AKAP7: variants seen among roughly 807,000 people sequenced by gnomAD.
AKAP7 encodes A kinase (PRKA) anchor protein 7.
AKAP7 carries 39 observed loss-of-function variants against 39.5 expected under a neutral mutation model. That is an observed-to-expected ratio of 0.99 (90% CI 0.76 to 1.29). The LOEUF (loss-of-function observed/expected upper bound fraction) is 1.29, where lower values mean the gene tolerates loss of function less well. Among genes scored for constraint, AKAP7 ranks in the 50% most tolerant of loss-of-function variants. AKAP7 has a pLI of 0.00. For synonymous variants in AKAP7, 140 were observed against 139.1 expected (o/e 1.01, Z -0.05); for missense variants, 414 against 407.7 (o/e 1.02, Z -0.13).
At chr6:131,269,619 C>T (rs374297247) in intron 7 of AKAP7, among the ~76,000 whole-genome samples, 8 of 152,142 alleles carry the variant, frequency 5.3e-5, no homozygotes, top group Non-Finnish European at 7.3e-5. Flanking sequence ...CACAGTGCCC[C>T]TCTGAAGGAG....
chr6:131,197,544 C>T (rs969615862), intron 5 of AKAP7, among the ~76,000 whole-genome samples: 1 of 152,120 alleles, frequency 6.6e-6, no homozygotes, highest in African/African-American at 2.4e-5. Flanking sequence ...TACTGATATT[C>T]TATTCTCTGT....
chr6:131,131,467 C>CTTTTTT (rs3031855), upstream of AKAP7, among the ~76,000 whole-genome samples: 1 of 138,328 alleles, frequency 7.2e-6, no homozygotes, highest in Non-Finnish European at 1.6e-5. Flanking sequence ...CTCTTTCTTT[C>CTTTTTT]TTTTTTTTTT....
At chr6:131,265,853 T>C (rs1176040908) in intron 7 of AKAP7, among the ~76,000 whole-genome samples, 2 of 152,324 alleles carry the variant, frequency 1.3e-5, no homozygotes, top group East Asian at 1.9e-4. Context: ...TTGACTTCAA[T>C]GTGTGGGGGG....
rs887823197 is a variant in AKAP7 at position 131,135,693 on chromosome 6, C to G, written c.-71C>G. The G allele has an allele frequency of 1.7e-6, 2 of 1,151,604 alleles. No individual in the cohort carries two copies. The highest frequency in any genetic ancestry group is 1.6e-5 in the African/African-American group (1 of 61,118). The allele number at this position is 1,151,604 out of a possible 1,614,324, so 71.3% of individuals were successfully genotyped here. On this transcript the variant is annotated 5_prime_UTR_variant, in exon 1 of 8. Coordinates refer to ENST00000431975, the MANE Select transcript of AKAP7 (RefSeq NM_016377.4). ...CCTGGCCTCCGCCTCGGCCTCGCCT[C>G]CAGCCCCGGGACGCGGCCCGCCACC...
intron 5 of AKAP7, among the ~76,000 whole-genome samples, chr6:131,188,816 G>GTAC (rs950031984): frequency 6.6e-6 from 1 of 151,628 alleles, no homozygotes; most frequent in African/African-American, 2.4e-5. Flanking sequence ...GCCTCCCAGA[G>GTAC]TACTGGGATT....
chr6:131,202,927 C>T (rs139200908), intron 6 of AKAP7, among the ~76,000 whole-genome samples: 31 of 152,070 alleles, frequency 2.0e-4, no homozygotes, highest in Non-Finnish European at 2.9e-4. Flanking sequence ...TATGGGGATT[C>T]GCAAGTCAGC....
chr6:131,270,701 G>A (rs887862809), intron 7 of AKAP7, among the ~76,000 whole-genome samples: 3 of 152,156 alleles, frequency 2.0e-5, no homozygotes, highest in Non-Finnish European at 2.9e-5. Context: ...AGCAATAGGA[G>A]TTCCAGTTGC....
At chr6:131,162,785 T>G (rs886467606) in intron 3 of AKAP7, among the ~76,000 whole-genome samples, 2 of 152,280 alleles carry the variant, frequency 1.3e-5, no homozygotes, top group South Asian at 4.1e-4. Flanking sequence ...TGCCGGAATC[T>G]CAGCTCAAAC....
chr6:131,250,411 C>CT, intron 7 of AKAP7: 1 of 1,453,862 alleles, frequency 6.9e-7, no homozygotes, highest in Admixed American at 2.3e-5. Context: ...TCTCCTTTCT[C>CT]TCCCCCGGCG....
intron 7 of AKAP7, among the ~76,000 whole-genome samples, chr6:131,254,840 T>C (rs942783950): frequency 6.6e-6 from 1 of 152,218 alleles, no homozygotes; most frequent in African/African-American, 2.4e-5. Flanking sequence ...ATGAAATATG[T>C]GTTAGTATAG....
intron 7 of AKAP7, among the ~76,000 whole-genome samples, chr6:131,265,175 C>T (rs1301676467): frequency 2.0e-5 from 3 of 152,138 alleles, no homozygotes; most frequent in Non-Finnish European, 2.9e-5. Flanking sequence ...TGCTCTGTTG[C>T]CCAGGATGGG....
intron 5 of AKAP7, among the ~76,000 whole-genome samples, chr6:131,189,271 C>T (rs1176733969): frequency 6.6e-6 from 1 of 152,180 alleles, no homozygotes; most frequent in African/African-American, 2.4e-5. Context: ...TAAAATCAAA[C>T]AATCATAAAT....
At chr6:131,237,928 T>C (rs1257519522) in intron 7 of AKAP7, among the ~76,000 whole-genome samples, 1 of 152,192 alleles carries the variant, frequency 6.6e-6, no homozygotes, top group African/African-American at 2.4e-5. Flanking sequence ...TGATCTTAGT[T>C]ATTTCTTGCC....
rs115097594 is a variant in AKAP7 at position 131,242,137 on chromosome 6, A to G, written c.850+22329A>G. On this transcript the variant is annotated intron_variant, in intron 7 of 7. Coordinates refer to ENST00000431975, the MANE Select transcript of AKAP7 (RefSeq NM_016377.4). ...TGAGAAAACAACAGTTTGTCAATTC[A>G]TGAATTGTGGTTCTATTTGATCTTC... is the stretch of plus-strand genomic sequence containing the variant. The G allele has an allele frequency of 1.0e-3, 994 of 984,688 alleles. 11 individuals are homozygous for G. The African/African-American group carries it at 0.016, about 16-fold the overall frequency. 61.0% of individuals were successfully genotyped at this position (984,688 alleles called of 1,614,324 possible).
At chr6:131,221,298 G>T (rs1056247220) in intron 7 of AKAP7, among the ~76,000 whole-genome samples, 1 of 152,208 alleles carries the variant, frequency 6.6e-6, no homozygotes, top group Non-Finnish European at 1.5e-5. Flanking sequence ...CTTCAGTTCT[G>T]TGAAAGGTAA....
At chr6:131,264,111 C>A (rs3777490) in intron 7 of AKAP7, among the ~76,000 whole-genome samples, 2 of 151,876 alleles carry the variant, frequency 1.3e-5, no homozygotes, top group African/African-American at 2.4e-5. Flanking sequence ...GGGATTTAAC[C>A]AAAAAGGAAT....
At chr6:131,216,252 T>G (rs1205277394) in intron 6 of AKAP7, among the ~76,000 whole-genome samples, 1 of 152,254 alleles carries the variant, frequency 6.6e-6, no homozygotes, top group Non-Finnish European at 1.5e-5. Flanking sequence ...TTCCATGTTT[T>G]GTGACCGTCT....
At chr6:131,171,351 G>A (rs181142600) in intron 5 of AKAP7, among the ~76,000 whole-genome samples, 9 of 152,258 alleles carry the variant, frequency 5.9e-5, no homozygotes, top group Admixed American at 3.3e-4. Flanking sequence ...GAGAAATAGC[G>A]TTTGAGTTGA....
chr6:131,208,086 A>C (rs1285047822), intron 6 of AKAP7, among the ~76,000 whole-genome samples: 3 of 152,202 alleles, frequency 2.0e-5, no homozygotes, highest in Non-Finnish European at 4.4e-5. Context: ...AATTCAGTGA[A>C]TTCTCATGAG....
Sources: allele counts gnomAD v4.1 joint callset (sites outside exome capture counted in the v4.1 genomes callset), GRCh38; gene constraint gnomAD v4.1.1; transcripts MANE v1.5; gene names NCBI Gene and HGNC (gene_info 2026-07-23, HGNC 2026-07-21).